INTS1: variants seen among roughly 807,000 people sequenced by gnomAD.
INTS1 encodes the protein integrator complex subunit 1.
A neutral mutation model predicts 241.6 loss-of-function variants in INTS1; 137 were observed. The observed-to-expected ratio is 0.57, with a 90% CI of 0.49 to 0.65. The LOEUF is 0.65. Among genes scored for constraint, INTS1 ranks in the 30% least tolerant of loss-of-function variants. The pLI, the probability that INTS1 is intolerant of heterozygous loss-of-function variation, is 0.00. For synonymous variants in INTS1, 1,692 were observed against 1,337.8 expected (o/e 1.26, Z -5.78); for missense variants, 3,073 against 3,032.2 (o/e 1.01, Z -0.32).
In INTS1 at chr7:1,481,613, GCTCGGTGAC is replaced by G; in HGVS notation, c.3704-134_3704-126del. On this transcript the variant is annotated intron_variant, in intron 27 of 47. Coordinates refer to ENST00000404767, the MANE Select transcript of INTS1 (RefSeq NM_001080453.3). This position sits in a 1 kb window ranked among gnomAD's most constrained non-coding sequence, Gnocchi z 6.8. Reference sequence around the variant, plus strand: ...CCACCTGAGACCCTGGGCCACGTGGGCTCGGTGACCCCACCCAAGACCTGGGGCAGTGCA... The same window carrying G: ...CCACCTGAGACCCTGGGCCACGTGGGCCCACCCAAGACCTGGGGCAGTGCA... The G allele has an allele frequency of 1.1e-6, 1 of 886,418 alleles. No individual in the cohort carries two copies. Among genetic ancestry groups the G allele is most frequent in the East Asian group, 3.2e-5 (1 of 30,920 alleles). 54.9% of individuals were successfully genotyped at this position (886,418 alleles called of 1,614,324 possible).
chr7:1,475,787 C>T (rs1781687064), intron 39 of INTS1, among the ~76,000 whole-genome samples, 161 bp downstream of exon 39: 1 of 152,252 alleles, frequency 6.6e-6, no homozygotes, highest in Admixed American at 6.5e-5. Flanking sequence ...CGGTATAAAA[C>T]TCAACGCAGA....
rs774290364 is a variant in INTS1, at chr7:1,498,955, C to A, written c.1137+20G>T. 6 of 1,485,522 alleles carry A rather than the reference C, an allele frequency of 4.0e-6. No individual in the cohort carries two copies. Among genetic ancestry groups the A allele is most frequent in the Non-Finnish European group, 5.4e-6 (6 of 1,107,244 alleles). The allele number at this position is 1,485,522 out of a possible 1,614,324, so 92.0% of individuals were successfully genotyped here. ...GCCCCCACCCCCTGCCCCGCCCACC[C>A]CCCCGGGGCGCCCCCGCACCTTGGG... is the stretch of plus-strand genomic sequence containing the variant. On this transcript the variant is annotated intron_variant, in intron 8 of 47. Coordinates refer to ENST00000404767, the MANE Select transcript of INTS1 (RefSeq NM_001080453.3).
rs1781569593 is a variant in INTS1 at position 1,473,491 on chromosome 7, C to T, written c.5957+75G>A. The T allele has an allele frequency of 2.6e-6, 4 of 1,516,578 alleles. No individual in the cohort carries two copies. In the East Asian group the frequency reaches 9.8e-5, roughly 37 times the overall value. The allele number at this position is 1,516,578 out of a possible 1,614,324, so 93.9% of individuals were successfully genotyped here. ...AGCATATCTGACACGACACGGCCTT[C>T]CCAGGAACACCCTCCAGACCCCGCT... On this transcript the variant is annotated intron_variant, in intron 42 of 47. Transcript: ENST00000404767.
rs1345890768 is a variant in INTS1, at chr7:1,470,705, C to T, written c.6458-13G>A. 2.0e-5 allele frequency: 31 copies of T among 1,526,014 alleles called. No homozygotes were observed. Among genetic ancestry groups the T allele is most frequent in the East Asian group, 7.3e-5 (3 of 41,280 alleles). 94.5% of individuals were successfully genotyped at this position (1,526,014 alleles called of 1,614,324 possible). ...ACAGCCGCGTGCTCTGTGGGGGAAA[C>T]GGGGCCCTGCACGTCACGCTGGCCA... On this transcript the variant is annotated splice_polypyrimidine_tract_variant and intron_variant, in intron 47 of 47. Coordinates refer to ENST00000404767, the MANE Select transcript of INTS1 (RefSeq NM_001080453.3).
chr7:1,478,852 G>A lies in INTS1; in HGVS notation c.4363C>T (p.Leu1455Phe), dbSNP rs376185048. Residue 1455 changes from leucine (L) to phenylalanine (F), a missense_variant, in exon 32 of 48, where the codon CTC becomes TTC. Coordinates refer to ENST00000404767, the MANE Select transcript of INTS1 (RefSeq NM_001080453.3). ...CVPQDTGFSS[L>F]FLKVLLQMLQ... ...ATCTGCAGGAGCACCTTCAGGAAGA[G>A]CGAGGAGAAGCCGGTGTCCTGTGGC... 1.9e-6 allele frequency: 3 copies of A among 1,610,716 alleles called. No homozygotes were observed. The highest frequency in any genetic ancestry group is 1.7e-5 in the Admixed American group (1 of 59,924).
In INTS1 at chr7:1,493,069, G is replaced by A. The variant is rs201594026; in HGVS notation, c.2106C>T (p.Ile702=). ...EVLKVGRTQL[I]DAVLNLCTYH... is the part of the protein sequence containing the mutation. ...AGGTGCACAGATTCAGAACGGCGTC[G>A]ATCAGCTGGGTCCTCCCCACCTTCA... is the stretch of plus-strand genomic sequence containing the variant. The change falls in exon 16 of 48, where the codon ATC becomes ATT. Residue 702 remains isoleucine (I), a synonymous_variant. Coordinates refer to ENST00000404767, the MANE Select transcript of INTS1 (RefSeq NM_001080453.3). The surrounding 1 kb of genome is among the most constrained non-coding windows in gnomAD (Gnocchi z 5.3). The A allele has an allele frequency of 8.4e-5, 136 of 1,613,604 alleles. 1 individual carries two copies. Among genetic ancestry groups the A allele is most frequent in the Admixed American group, 7.3e-4 (44 of 60,008 alleles).
chr7:1,474,590 GA>G lies in INTS1; in HGVS notation c.5636+114del, dbSNP rs898389069. ...TCCCCCGGTCAAGCTCAGCCCATGG[GA>G]ACATGCTTTTTTTTGTTGTTTTTGG... On this transcript the variant is annotated intron_variant, in intron 40 of 47. Transcript: ENST00000404767. 10 of 1,392,076 alleles carry G rather than the reference GA, an allele frequency of 7.2e-6. No individual in the cohort carries two copies. The African/African-American group carries it at 1.1e-4, about 16-fold the overall frequency. The allele number at this position is 1,392,076 out of a possible 1,614,324, so 86.2% of individuals were successfully genotyped here. A position where few individuals can be genotyped will look rare whatever the true frequency, so the allele number is the denominator to read the frequency against.
At position 1,474,813 on chromosome 7, in the gene INTS1, A is replaced by C; in HGVS notation, c.5528T>G (p.Ile1843Ser). The C allele has an allele frequency of 1.9e-6, 3 of 1,591,096 alleles. No homozygotes were observed. The highest frequency in any genetic ancestry group is 2.6e-6 in the Non-Finnish European group (3 of 1,171,298). The change falls in exon 40 of 48, where the codon ATC (isoleucine) becomes AGC (serine). Residue 1843 changes from isoleucine to serine, a missense_variant. Coordinates refer to ENST00000404767, the MANE Select transcript of INTS1 (RefSeq NM_001080453.3). ...CKLDGLIHRF[I>S]TLLADTSDSR... ...GTCGCTGGTGTCCGCAAGGAGCGTG[A>C]TGAAGCGGTGGATGAGTCCGTCCAG...
rs751398199 is a variant in INTS1 at position 1,496,280 on chromosome 7, G to A, written c.1603-16C>T. 6.8e-6 allele frequency: 11 copies of A among 1,610,578 alleles called. No individual in the cohort carries two copies. Among genetic ancestry groups the A allele is most frequent in the East Asian group, 2.2e-5 (1 of 44,820 alleles). ...CGAAGCGCTCCTGCAGGTGCAGCAC[G>A]GGGTCTGTATCCAGAAGGGACACCC... is the stretch of plus-strand genomic sequence containing the variant. On this transcript the variant is annotated splice_polypyrimidine_tract_variant and intron_variant, in intron 11 of 47. Coordinates refer to ENST00000404767, the MANE Select transcript of INTS1 (RefSeq NM_001080453.3).
At position 1,487,860 on chromosome 7, in the gene INTS1, T is replaced by C; in HGVS notation, c.2416A>G (p.Ile806Val). The C allele has an allele frequency of 6.2e-7, 1 of 1,613,502 alleles. No individual in the cohort carries two copies. Among genetic ancestry groups the C allele is most frequent in the Non-Finnish European group, 8.5e-7 (1 of 1,179,828 alleles). ...LQTAQREKQEILAFEGHLAAA... is the reference protein window; with the variant it reads ...LQTAQREKQEVLAFEGHLAAA... ...GCCAGGTGCCCCTCGAAGGCCAGGA[T>C]CTCCTGCTTCTCCCGCTGGGCGGTC... The change falls in exon 19 of 48, where the codon ATC becomes GTC. Residue 806 changes from isoleucine (I) to valine (V), a missense_variant. By Grantham distance (29) the Ile-to-Val change is conservative. Coordinates refer to ENST00000404767, the MANE Select transcript of INTS1 (RefSeq NM_001080453.3).
chr7:1,499,526 C>G lies in INTS1; in HGVS notation c.791G>C (p.Arg264Thr), dbSNP rs779210297. 1 of 1,612,780 alleles carries G rather than the reference C, an allele frequency of 6.2e-7. No homozygotes were observed. Among genetic ancestry groups the G allele is most frequent in the South Asian group, 1.1e-5 (1 of 90,978 alleles). The change falls in exon 6 of 48, where the codon AGG becomes ACG. Residue 264 changes from arginine (R) to threonine (T), a missense_variant. Arg to Thr is a moderately conservative substitution (Grantham distance 71). Transcript: ENST00000404767. ...CGCCTCCCCCTGCAGCAGCACGCTCCTGGGGGGCATTCTGGTGTTGAAGGC... is the reference window on the plus strand; with the variant it reads ...CGCCTCCCCCTGCAGCAGCACGCTCGTGGGGGGCATTCTGGTGTTGAAGGC... ...QTAFNTRMPP[R>T]SVLLQGEAGR...
intron 44 of INTS1, among the ~76,000 whole-genome samples, chr7:1,472,016 C>T (rs1019198625): frequency 2.2e-4 from 33 of 152,170 alleles, no homozygotes; most frequent in African/African-American, 7.5e-4. Flanking sequence ...CCTGCTGTAC[C>T]CCCACCACCT....
At chr7:1,489,454 CGT>C (rs1389926161) in intron 17 of INTS1, 50 bp from the exon 18 acceptor site, 3 of 1,417,554 alleles carry the variant, frequency 2.1e-6, no homozygotes, top group Non-Finnish European at 1.9e-6. Context: ...GGGCACCAGG[CGT>C]GTGACCCCCG....
At chr7:1,503,809 A>C in intron 2 of INTS1, 94 bp downstream of exon 2, 1 of 920,242 alleles carries the variant, frequency 1.1e-6, no homozygotes, top group Non-Finnish European at 1.7e-6. Flanking sequence ...CGGAACAACC[A>C]AGCCCAACGC....
In INTS1 at chr7:1,493,822, A is replaced by C; in HGVS notation, c.2000T>G (p.Leu667Arg). The change falls in exon 15 of 48, where the codon CTC (leucine) becomes CGC (arginine). Residue 667 changes from leucine (L) to arginine (R), a missense_variant. Leu to Arg is a moderately radical substitution (Grantham distance 102, BLOSUM62 -2). Coordinates refer to ENST00000404767, the MANE Select transcript of INTS1 (RefSeq NM_001080453.3). The surrounding 1 kb of genome is among the most constrained non-coding windows in gnomAD (Gnocchi z 5.3). ...AAGCTCCATGGCGTCCGCAGGCCCG[A>C]GCGGGAGCTCCCGGGACAGCCCGAT... is the stretch of plus-strand genomic sequence containing the variant. ...LVIGLSRELP[L>R]GPADAMELAD... The C allele has an allele frequency of 1.9e-6, 3 of 1,574,390 alleles. No homozygotes were observed. Among genetic ancestry groups the C allele is most frequent in the Non-Finnish European group, 2.6e-6 (3 of 1,161,136 alleles).
chr7:1,471,433 T>C, intron 45 of INTS1, 138 bp downstream of exon 45: 1 of 1,067,672 alleles, frequency 9.4e-7, no homozygotes, highest in Non-Finnish European at 1.4e-6. Context: ...ACACCTGGGC[T>C]GGGGCCCCCA....
chr7:1,499,206 G>T, intron 7 of INTS1, 45 bp from the exon 8 acceptor site: 1 of 1,603,910 alleles, frequency 6.2e-7, no homozygotes, highest in Non-Finnish European at 8.5e-7. Flanking sequence ...TGGCCCCGAG[G>T]CGCCCGCCCC....
chr7:1,473,913 G>A (rs1050859621), intron 41 of INTS1, among the ~76,000 whole-genome samples: 3 of 152,240 alleles, frequency 2.0e-5, no homozygotes, highest in Admixed American at 6.5e-5. Context: ...TGAGGGGCTC[G>A]AGGTAGCACA....
At chr7:1,488,576 C>T (rs1376951400) in intron 18 of INTS1, among the ~76,000 whole-genome samples, 2 of 152,112 alleles carry the variant, frequency 1.3e-5, no homozygotes, top group African/African-American at 4.8e-5. Flanking sequence ...AGACACATGC[C>T]CAGTCCTCAC....
Sources: allele counts gnomAD v4.1 joint callset (sites outside exome capture counted in the v4.1 genomes callset), GRCh38; gene constraint gnomAD v4.1.1; non-coding constraint Gnocchi (gnomAD v3.1); transcripts MANE v1.5; gene names NCBI Gene and HGNC (gene_info 2026-07-23, HGNC 2026-07-21).